OTOA: variants seen among roughly 807,000 people sequenced by gnomAD.
OTOA encodes otoancorin.
Under a neutral mutation model 110.8 loss-of-function variants are expected in OTOA, and 70 were observed. That is an observed-to-expected ratio of 0.63 (90% CI 0.52 to 0.77). The LOEUF is 0.77. Among genes scored for constraint, OTOA ranks in the 30% least tolerant of loss-of-function variants. OTOA has a pLI of 0.00. For missense variants in OTOA, 917 were observed against 1,075.8 expected (o/e 0.85, Z 2.06); for synonymous variants, 373 against 431.5 (o/e 0.86, Z 1.68).
chr16:21,714,225 C>CTCTT (rs1264990629), intron 13 of OTOA, among the ~76,000 whole-genome samples: 1 of 150,906 alleles, frequency 6.6e-6, no homozygotes, highest in Non-Finnish European at 1.5e-5. Context: ...TTCTCTCTCT[C>CTCTT]TCTTTCTTTC....
At chr16:21,756,350 C>T (rs953125524) in intron 27 of OTOA, among the ~76,000 whole-genome samples, 78 of 152,040 alleles carry the variant, frequency 5.1e-4, no homozygotes, top group Non-Finnish European at 1.8e-4. Context: ...TCACAGAGCT[C>T]ATCACATGGT....
intron 9 of OTOA, among the ~76,000 whole-genome samples, chr16:21,695,180 G>T (rs1379758476): frequency 6.6e-6 from 1 of 151,086 alleles, no homozygotes; most frequent in Non-Finnish European, 1.5e-5. Context: ...AAGGAGGATT[G>T]CTTGAGGCCA....
In OTOA at chr16:21,670,087, C is replaced by T. The variant is rs143300930; in HGVS notation, c.-5+5855C>T. 8.7e-3 allele frequency among the ~76,000 whole-genome samples: 1,327 copies of T among 152,106 alleles called. 45 individuals carry two copies. The highest frequency in any genetic ancestry group is 0.081 in the East Asian group (417 of 5,168). On this transcript the variant is annotated intron_variant, in intron 1 of 28. Coordinates refer to ENST00000646100, the MANE Select transcript of OTOA (RefSeq NM_144672.4). ...GTTGCAGTGAGCTGAGATTGTGCCA[C>T]TGCACTCTAGCCTGGGCGACAGAGT...
intron 5 of OTOA, among the ~76,000 whole-genome samples, chr16:21,680,428 C>T (rs1280779428): frequency 2.0e-5 from 3 of 152,090 alleles, no homozygotes; most frequent in South Asian, 4.1e-4. Flanking sequence ...GCAGGAGGAT[C>T]ACTTGAACGC....
chr16:21,691,310 T>C (rs1897825171), intron 8 of OTOA, among the ~76,000 whole-genome samples: 1 of 152,144 alleles, frequency 6.6e-6, no homozygotes, highest in African/African-American at 2.4e-5. Flanking sequence ...GCATGATTTA[T>C]AATCCTTTGG....
intron 1 of OTOA, among the ~76,000 whole-genome samples, chr16:21,668,568 C>T (rs977284492): frequency 3.4e-5 from 5 of 147,864 alleles, no homozygotes; most frequent in Admixed American, 6.9e-5. Flanking sequence ...TCAAGAGATT[C>T]TCCTGCCTCA....
chr16:21,677,774 G>A (rs1406713113), intron 1 of OTOA, among the ~76,000 whole-genome samples: 3 of 152,034 alleles, frequency 2.0e-5, no homozygotes, highest in Non-Finnish European at 4.4e-5. Flanking sequence ...GAGCCACTGC[G>A]CCTGGCCAAC....
At chr16:21,699,333 A>G (rs1453593657) in intron 10 of OTOA, among the ~76,000 whole-genome samples, 1 of 152,168 alleles carries the variant, frequency 6.6e-6, no homozygotes, top group African/African-American at 2.4e-5. Context: ...ACAGCATAAT[A>G]CTGTCTCAAA....
Position 21,722,969 on chromosome 16 carries a change from C to T in OTOA, c.1871C>T (p.Ala624Val), listed in dbSNP as rs1898804817. The T allele has an allele frequency of 6.2e-7, 1 of 1,613,942 alleles. No homozygotes were observed. The highest frequency in any genetic ancestry group is 1.3e-5 in the African/African-American group (1 of 74,910). The change falls in exon 18 of 29, where the codon GCT becomes GTT. Residue 624 changes from alanine to valine, a missense_variant. Ala to Val is a moderately conservative substitution (Grantham distance 64, BLOSUM62 0). This residue lies in a region of OTOA where 840 missense variants were observed against 910.2 expected (regional missense o/e 0.92). Coordinates refer to ENST00000646100, the MANE Select transcript of OTOA (RefSeq NM_144672.4). Reference protein sequence around the residue: ...SRLSMPPFLLAALPARYLASV... With the variant: ...SRLSMPPFLLVALPARYLASV... ...TTGTCTATGCCACCTTTCCTCTTGG[C>T]TGCACTCCCGTAAGTGAACATCAGC...
At chr16:21,756,356 A>G (rs985820413) in intron 27 of OTOA, among the ~76,000 whole-genome samples, 3 of 152,188 alleles carry the variant, frequency 2.0e-5, no homozygotes, top group African/African-American at 7.2e-5. Flanking sequence ...AGCTCATCAC[A>G]TGGTGCTCAG....
In OTOA at chr16:21,685,391, A is replaced by G. The variant is rs1897694807; in HGVS notation, c.399+30A>G. On this transcript the variant is annotated intron_variant, in intron 7 of 28. Transcript: ENST00000646100. ...GGAGCCCTTGGCATCCCGGGGATAG[A>G]GGAAGTCCAGCACCACGTGGTGTTT... 4 of 1,606,060 alleles carry G rather than the reference A, an allele frequency of 2.5e-6. No homozygotes were observed. In the African/African-American group the frequency reaches 5.3e-5, roughly 21 times the overall value.
intron 5 of OTOA, among the ~76,000 whole-genome samples, chr16:21,681,333 G>A (rs556891468): frequency 1.3e-5 from 2 of 152,114 alleles, no homozygotes; most frequent in Admixed American, 6.6e-5. Flanking sequence ...GCTCACTCCT[G>A]TAATCCCAGT....
At position 21,681,554 on chromosome 16, in the gene OTOA, C is replaced by A. The variant is rs1966892024; in HGVS notation, c.180-184C>A. Among the ~76,000 whole-genome samples, 4 of 151,844 alleles carry A rather than the reference C, an allele frequency of 2.6e-5. No individual in the cohort carries two copies. In the South Asian group the frequency reaches 6.3e-4, roughly 24 times the overall value. Reference sequence around the variant, plus strand: ...GCCGTGATCGCGCAACAGAGCAAGACCCTGTTTCAAAAAAAGAGAAAAGAA... The same window carrying A: ...GCCGTGATCGCGCAACAGAGCAAGAACCTGTTTCAAAAAAAGAGAAAAGAA... On this transcript the variant is annotated intron_variant, in intron 5 of 28. Coordinates refer to ENST00000646100, the MANE Select transcript of OTOA (RefSeq NM_144672.4).
At chr16:21,695,828 C>G (rs1897919831) in intron 9 of OTOA, among the ~76,000 whole-genome samples, 1 of 143,496 alleles carries the variant, frequency 7.0e-6, no homozygotes, top group Non-Finnish European at 1.5e-5. Flanking sequence ...GCAGCCACTT[C>G]CAGCTCAGTG....
At chr16:21,715,553 C>T (rs1011242426) in intron 14 of OTOA, among the ~76,000 whole-genome samples, 1 of 151,910 alleles carries the variant, frequency 6.6e-6, no homozygotes, top group Middle Eastern at 3.4e-3. Context: ...CCTCAACCTC[C>T]TGAGTAGCTG....
chr16:21,720,950 T>TG (rs1400682619), intron 17 of OTOA, among the ~76,000 whole-genome samples: 4 of 151,116 alleles, frequency 2.6e-5, no homozygotes, highest in Non-Finnish European at 5.9e-5. Context: ...AGACAGGACC[T>TG]TGCTCTGTTG....
At chr16:21,701,975 G>A (rs1898063213) in intron 11 of OTOA, among the ~76,000 whole-genome samples, 2 of 138,042 alleles carry the variant, frequency 1.4e-5, no homozygotes, top group East Asian at 2.1e-4. Context: ...TTTTGAGACA[G>A]AGTCTCACTT....
chr16:21,718,725 T>C (rs986266698), intron 15 of OTOA, among the ~76,000 whole-genome samples: 4 of 152,152 alleles, frequency 2.6e-5, no homozygotes, highest in Admixed American at 6.5e-5. Flanking sequence ...TTATTGCTGG[T>C]GCTTTCTAGC....
intron 10 of OTOA, 148 bp from the exon 11 acceptor site, chr16:21,700,736 AAAAG>A: frequency 3.1e-6 from 3 of 971,612 alleles, no homozygotes; most frequent in Non-Finnish European, 3.0e-6. Context: ...AAAAAAAAAA[AAAAG>A]AAAAGAAAAA....
Sources: allele counts gnomAD v4.1 joint callset (sites outside exome capture counted in the v4.1 genomes callset), GRCh38; gene constraint gnomAD v4.1.1; regional missense constraint gnomAD v4.1.1; transcripts MANE v1.5; gene names NCBI Gene and HGNC (gene_info 2026-07-23, HGNC 2026-07-21).